Variants in NEB observed in about 807,000 individuals in gnomAD.
The protein encoded by NEB is nebulin, also known as nemaline myopathy type 2.
Under a neutral mutation model 952.2 loss-of-function variants are expected in NEB, and 512 were observed. That is an observed-to-expected ratio of 0.54 (90% CI 0.50 to 0.58). NEB has a LOEUF of 0.58. Among genes scored for constraint, NEB ranks in the 20% least tolerant of loss-of-function variants. The pLI is 0.00. For synonymous variants in NEB, 2,900 were observed against 3,149.8 expected, an observed-to-expected ratio of 0.92 and a Z score of 2.66; for missense variants, 8,428 against 9,231.1, an observed-to-expected ratio of 0.91 and a Z score of 3.56.
rs749713442 is a variant in NEB, at chr2:151,576,270, C to T, written c.16789G>A (p.Ala5597Thr). 20 of 1,610,820 alleles carry T rather than the reference C, an allele frequency of 1.2e-5. No individual in the cohort carries two copies. The highest frequency in any genetic ancestry group is 2.2e-5 in the East Asian group (1 of 44,856). Reference sequence around the variant, plus strand: ...ACACTGTCACAAAAGATATTCTGGGCGTTTTTGACTCTCAACACTTCAGGA... The same window carrying T: ...ACACTGTCACAAAAGATATTCTGGGTGTTTTTGACTCTCAACACTTCAGGA... ...GSPEVLRVKN[A>T]QNIFCDSVYR... Residue 5597 changes from alanine to threonine, a missense_variant, in exon 106 of 182, where the codon GCC becomes ACC. Coordinates refer to ENST00000397345, the MANE Select transcript of NEB (RefSeq NM_001164508.2).
At chr2:151,552,816 C>T in intron 127 of NEB, 40 bp from the exon 128 acceptor site, 1 of 1,476,360 alleles carries the variant, frequency 6.8e-7, no homozygotes, top group Non-Finnish European at 9.4e-7. Flanking sequence ...TGGACCATTC[C>T]TTATGCTTGA....
intron 124 of NEB, among the ~76,000 whole-genome samples, chr2:151,558,938 T>A (rs978095324): frequency 6.1e-5 from 9 of 148,342 alleles, no homozygotes; most frequent in African/African-American, 1.7e-4. Flanking sequence ...ACAAAGGCCA[T>A]TGGAATCTAA....
intron 54 of NEB, among the ~76,000 whole-genome samples, chr2:151,647,890 TAGACTAGC>T (rs941897667): frequency 1.3e-5 from 2 of 152,228 alleles, no homozygotes; most frequent in Non-Finnish European, 2.9e-5. Flanking sequence ...ATAAATTCTG[TAGACTAGC>T]AGACCAGTGG....
Position 151,697,226 on chromosome 2 carries a change from T to C in NEB, c.1392A>G (p.Glu464=). ...GAGGGAAGAAGCCTTTGCCTCTGTC[T>C]TCTTCGTATTCTGCTTTGTAGTTTT... ...SDKNYKAEYE[E]DRGKGFFPQT... The change falls in exon 16 of 182, where the codon GAA becomes GAG. Residue 464 remains glutamate (E), a synonymous_variant. Transcript: ENST00000397345. 1 of 1,613,922 alleles carries C rather than the reference T, an allele frequency of 6.2e-7. No individual in the cohort carries two copies. Among genetic ancestry groups the C allele is most frequent in the Non-Finnish European group, 8.5e-7 (1 of 1,179,874 alleles).
intron 48 of NEB, among the ~76,000 whole-genome samples, chr2:151,657,445 C>T (rs567386118): frequency 3.3e-5 from 5 of 151,970 alleles, no homozygotes; most frequent in Admixed American, 1.3e-4. Flanking sequence ...GCTTTTTTGC[C>T]GGCCAGCGCA....
rs966204223 is a variant in NEB, at chr2:151,733,772, C to G, written c.-90G>C. The G allele has an allele frequency of 4.6e-5, 7 of 152,120 alleles. No homozygotes were observed. The highest frequency in any genetic ancestry group is 2.0e-4 in the Admixed American group (3 of 15,272). 9.4% of individuals were successfully genotyped at this position (152,120 alleles called of 1,614,324 possible). On this transcript the variant is annotated 5_prime_UTR_variant, in exon 2 of 182. Transcript: ENST00000397345. ...ATTGGCTTATACAGACTTTTTCTTT[C>G]GTTTCTGTAGCTCTCGTTCAAACCT...
At chr2:151,651,851 T>A (rs1051041906) in intron 52 of NEB, among the ~76,000 whole-genome samples, 31 of 152,178 alleles carry the variant, frequency 2.0e-4, no homozygotes, top group African/African-American at 7.2e-4. Context: ...ACAAAATTGC[T>A]TTTTAAAAAG....
intron 121 of NEB, 71 bp downstream of exon 121, chr2:151,562,039 A>G: frequency 8.1e-7 from 1 of 1,241,066 alleles, no homozygotes; most frequent in Non-Finnish European, 1.2e-6. Context: ...TTGCCTGCCC[A>G]TCAGCCCACT....
chr2:151,570,999 A>G (rs917592077), intron 107 of NEB, among the ~76,000 whole-genome samples: 5 of 151,932 alleles, frequency 3.3e-5, no homozygotes, highest in African/African-American at 4.8e-5. Context: ...AAACATTCCA[A>G]TTATACTCTT....
intron 105 of NEB, among the ~76,000 whole-genome samples, chr2:151,579,024 T>C (rs1308025083): frequency 8.0e-6 from 1 of 124,968 alleles, no homozygotes; most frequent in Non-Finnish European, 1.6e-5. Flanking sequence ...GAGGTTGCAG[T>C]GGGCTGAGAT....
rs1213159316 is a variant in NEB, at chr2:151,643,872, C to A, written c.7902G>T (p.Leu2634=). 3.7e-6 allele frequency: 6 copies of A among 1,613,930 alleles called. No homozygotes were observed. In the African/African-American group the frequency reaches 8.0e-5, roughly 22 times the overall value. ...YKNYLHQWTC[L]PDQSDVIHAR... is the part of the protein sequence containing the mutation. ...CATGGATGACATCGCTCTGGTCGGG[C>A]AGGCATGTCCACTGGTGCAGGTAGT... The change falls in exon 57 of 182, where the codon CTG becomes CTT. Residue 2634 remains leucine, a synonymous_variant. Coordinates refer to ENST00000397345, the MANE Select transcript of NEB (RefSeq NM_001164508.2).
At chr2:151,556,181 A>C (rs903645970) in intron 124 of NEB, among the ~76,000 whole-genome samples, 7 of 152,182 alleles carry the variant, frequency 4.6e-5, no homozygotes, top group African/African-American at 1.7e-4. Context: ...AATTCCATAG[A>C]CTGTCTAATG....
In NEB at chr2:151,677,664, T is replaced by C. The variant is rs773485643; in HGVS notation, c.3675A>G (p.Glu1225=). Residue 1225 remains glutamate, a synonymous_variant, in exon 34 of 182, where the codon GAA becomes GAG. Coordinates refer to ENST00000397345, the MANE Select transcript of NEB (RefSeq NM_001164508.2). ...KVKKAGDALN[E]KKYRQHPDTL... ...TGTCTGGATGTTGCCTGTACTTCTT[T>C]TCATTCAGAGCATCACCGGCCTTTT... 6.2e-7 allele frequency: 1 copy of C among 1,613,972 alleles called. No homozygotes were observed. The highest frequency in any genetic ancestry group is 2.2e-5 in the East Asian group (1 of 44,882).
chr2:151,562,364 C>T (rs2096121468), intron 120 of NEB, 150 bp from the exon 121 acceptor site: 2 of 764,170 alleles, frequency 2.6e-6, no homozygotes, highest in Non-Finnish European at 4.4e-6. Flanking sequence ...AATTCCCAAG[C>T]CTAAAGAAGC....
intron 35 of NEB, 68 bp downstream of exon 35, chr2:151,675,219 C>T (rs1482177425): frequency 9.1e-7 from 1 of 1,100,300 alleles, no homozygotes; most frequent in East Asian, 2.6e-5. Flanking sequence ...AAGGCACCAT[C>T]CTACTCTTAA....
In NEB at chr2:151,717,468, G is replaced by C; in HGVS notation, c.770C>G (p.Ala257Gly). ...AEQQAQFTPLADPPDIEFAKK... is the reference protein window; with the variant it reads ...AEQQAQFTPLGDPPDIEFAKK... Reference sequence around the variant, plus strand: ...GGCAAATTCTATATCTGGAGGATCAGCCAGAGGCGTGAATTGAGCTTGCTG... The same window carrying C: ...GGCAAATTCTATATCTGGAGGATCACCCAGAGGCGTGAATTGAGCTTGCTG... The change falls in exon 10 of 182, where the codon GCT becomes GGT. Residue 257 changes from alanine to glycine, a missense_variant. Coordinates refer to ENST00000397345, the MANE Select transcript of NEB (RefSeq NM_001164508.2). 1 of 1,613,924 alleles carries C rather than the reference G, an allele frequency of 6.2e-7. No homozygotes were observed. The highest frequency in any genetic ancestry group is 1.3e-5 in the African/African-American group (1 of 75,042).
intron 20 of NEB, 114 bp downstream of exon 20, chr2:151,694,209 G>T: frequency 1.1e-6 from 1 of 913,412 alleles, no homozygotes; most frequent in Non-Finnish European, 1.7e-6. Context: ...TTTCATGTGT[G>T]ATTTGTCATC....
chr2:151,698,958 C>T (rs1435999251), intron 13 of NEB, among the ~76,000 whole-genome samples: 19 of 142,184 alleles, frequency 1.3e-4, no homozygotes, highest in African/African-American at 3.4e-4. Flanking sequence ...CATGCTGGTG[C>T]GCTGCACCCA....
At position 151,665,481 on chromosome 2, in the gene NEB, T is replaced by A; in HGVS notation, c.5090A>T (p.Glu1697Val). The A allele has an allele frequency of 6.2e-7, 1 of 1,612,992 alleles. No homozygotes were observed. Among genetic ancestry groups the A allele is most frequent in the Non-Finnish European group, 8.5e-7 (1 of 1,179,544 alleles). The change falls in exon 42 of 182, where the codon GAG becomes GTG. Residue 1697 changes from glutamate to valine, a missense_variant. Around this residue, in one of 11 missense-constraint regions of NEB, gnomAD observed 2,851 missense variants for 2,791.5 expected, o/e 1.02. Transcript: ENST00000397345. ...WMKGIGWVPI[E>V]SLEVEKAKKA... ...CTTTGCCTTCTCCACCTCCAGGGAC[T>A]CTATGGGCACCCAGCCGATCCCTTT...
Sources: allele counts gnomAD v4.1 joint callset (sites outside exome capture counted in the v4.1 genomes callset), GRCh38; gene constraint gnomAD v4.1.1; regional missense constraint gnomAD v4.1.1; transcripts MANE v1.5; gene names NCBI Gene and HGNC (gene_info 2026-07-23, HGNC 2026-07-21).